Variants in TMEM51 observed in about 807,000 individuals in gnomAD.
TMEM51 encodes transmembrane protein 51.
Under a neutral mutation model 13.6 loss-of-function variants are expected in TMEM51, and 8 were observed. The observed-to-expected ratio is 0.59, with a 90% CI of 0.35 to 1.07. The LOEUF is 1.07. Ranked by LOEUF, TMEM51 falls within the 50% of genes least tolerant of loss-of-function variation. TMEM51 has a pLI of 0.02. For missense variants in TMEM51, 279 were observed against 330.7 expected, an observed-to-expected ratio of 0.84 and a Z score of 1.21; for synonymous variants, 147 against 144.4, an observed-to-expected ratio of 1.02 and a Z score of -0.13.
chr1:15,203,753 G>A (rs1644200558), intron 1 of TMEM51, among the ~76,000 whole-genome samples: 1 of 150,810 alleles, frequency 6.6e-6, no homozygotes, highest in Non-Finnish European at 1.5e-5. Flanking sequence ...TTAGGTAAAT[G>A]AATAAACACC....
At position 15,171,331 on chromosome 1, in the gene TMEM51, T is replaced by C. The variant is rs564067734; in HGVS notation, c.-267+17377T>C. ...CTTCTATGACCTATGAGATAAGGGGTTTGTTATAGGAATTAGTTCTTATGC... is the reference window on the plus strand; with the variant it reads ...CTTCTATGACCTATGAGATAAGGGGCTTGTTATAGGAATTAGTTCTTATGC... On this transcript the variant is annotated intron_variant, in intron 1 of 3. Coordinates refer to ENST00000376008, the MANE Select transcript of TMEM51 (RefSeq NM_001136218.2). 5.8e-5 allele frequency: 75 copies of C among 1,301,582 alleles called. 1 individual carries two copies. The South Asian group carries it at 8.4e-4, about 15-fold the overall frequency. The allele number at this position is 1,301,582 out of a possible 1,614,324, so 80.6% of individuals were successfully genotyped here.
intron 1 of TMEM51, among the ~76,000 whole-genome samples, chr1:15,170,498 C>T (rs1392512828): frequency 6.6e-6 from 1 of 150,728 alleles, no homozygotes; most frequent in Non-Finnish European, 1.5e-5. Context: ...TTGGTAGAAA[C>T]GGGGTTTTGC....
chr1:15,175,084 C>A (rs1244736979), intron 1 of TMEM51, among the ~76,000 whole-genome samples: 1 of 152,148 alleles, frequency 6.6e-6, no homozygotes, highest in Non-Finnish European at 1.5e-5. Flanking sequence ...AGTTCTTCTC[C>A]ATTTGTCAAC....
chr1:15,185,996 C>A (rs1387753165), intron 1 of TMEM51, among the ~76,000 whole-genome samples: 1 of 152,188 alleles, frequency 6.6e-6, no homozygotes, highest in Non-Finnish European at 1.5e-5. Flanking sequence ...GACTCCATGG[C>A]AGCAATGAGG....
intron 1 of TMEM51, among the ~76,000 whole-genome samples, chr1:15,189,213 CTTT>C (rs59346950): frequency 8.8e-4 from 82 of 92,852 alleles, no homozygotes; most frequent in African/African-American, 3.2e-3. Flanking sequence ...CTAATTTTTC[CTTT>C]TTTTTTTTTT....
intron 1 of TMEM51, among the ~76,000 whole-genome samples, chr1:15,193,595 T>C (rs1643983176): frequency 8.3e-6 from 1 of 119,942 alleles, no homozygotes; most frequent in Non-Finnish European, 1.7e-5. Context: ...TTTTTTTTTT[T>C]GAGACAGGGT....
At chr1:15,186,913 C>A (rs1250969682) in intron 1 of TMEM51, among the ~76,000 whole-genome samples, 1 of 152,184 alleles carries the variant, frequency 6.6e-6, no homozygotes, top group Non-Finnish European at 1.5e-5. Flanking sequence ...AGTCCTGAAG[C>A]AGGCCGGCTG....
intron 1 of TMEM51, among the ~76,000 whole-genome samples, chr1:15,201,224 G>A (rs1277339090): frequency 1.3e-5 from 2 of 152,120 alleles, no homozygotes; most frequent in African/African-American, 2.4e-5. Flanking sequence ...TTTTTCATCA[G>A]CTTGGGAAGT....
At chr1:15,209,675 T>C (rs1457328710) in intron 1 of TMEM51, among the ~76,000 whole-genome samples, 2 of 152,166 alleles carry the variant, frequency 1.3e-5, no homozygotes, top group African/African-American at 4.8e-5. Context: ...GGGACCAATT[T>C]CTAATGTTGA....
rs545689294 is a variant in TMEM51, at chr1:15,162,491, A to G, written c.-267+8537A>G. On this transcript the variant is annotated intron_variant, in intron 1 of 3. Coordinates refer to ENST00000376008, the MANE Select transcript of TMEM51 (RefSeq NM_001136218.2). ...GATCAAATTTCAACATGAGATTTGG[A>G]GAGGACCAATATCCAAACTATATCA... Among the ~76,000 whole-genome samples, 18 of 152,196 alleles carry G rather than the reference A, an allele frequency of 1.2e-4. 1 individual carries two copies. Among genetic ancestry groups the G allele is most frequent in the African/African-American group, 4.3e-4 (18 of 41,450 alleles).
intron 1 of TMEM51, among the ~76,000 whole-genome samples, chr1:15,202,898 C>T (rs1644183328): frequency 6.6e-6 from 1 of 152,228 alleles, no homozygotes; most frequent in Non-Finnish European, 1.5e-5. Flanking sequence ...GACCCCGCTT[C>T]TTCTCTGCCC....
At chr1:15,215,844 T>C (rs1051514420) in intron 3 of TMEM51, among the ~76,000 whole-genome samples, 6 of 152,082 alleles carry the variant, frequency 3.9e-5, no homozygotes, top group African/African-American at 1.4e-4. Context: ...CTGGCCAACA[T>C]GGTGAAACCC....
chr1:15,171,995 A>C (rs1277971451), intron 1 of TMEM51, among the ~76,000 whole-genome samples: 2 of 152,234 alleles, frequency 1.3e-5, no homozygotes, highest in African/African-American at 4.8e-5. Flanking sequence ...AGACTTCAGC[A>C]GTGGGACTCA....
intron 1 of TMEM51, among the ~76,000 whole-genome samples, chr1:15,186,752 TG>T (rs1643789037): frequency 6.6e-6 from 1 of 151,954 alleles, no homozygotes; most frequent in African/African-American, 2.4e-5. Context: ...TGCCTGAGGG[TG>T]GGATGGTCAC....
At chr1:15,165,541 C>T (rs1167015569) in intron 1 of TMEM51, among the ~76,000 whole-genome samples, 3 of 152,146 alleles carry the variant, frequency 2.0e-5, no homozygotes, top group African/African-American at 7.2e-5. Flanking sequence ...AAAACACAGG[C>T]CCAAACCTTT....
intron 1 of TMEM51, among the ~76,000 whole-genome samples, chr1:15,200,428 AAAAAGAG>A (rs1340405867): frequency 4.0e-5 from 6 of 149,966 alleles, no homozygotes; most frequent in African/African-American, 1.2e-4. Context: ...AAAAAAAAAA[AAAAAGAG>A]AGAGATTAGG....
At chr1:15,204,051 TG>T (rs1200824218) in intron 1 of TMEM51, among the ~76,000 whole-genome samples, 4 of 152,318 alleles carry the variant, frequency 2.6e-5, no homozygotes, top group Admixed American at 2.6e-4. Flanking sequence ...AAATGCCCCT[TG>T]GGGAAGACAA....
In TMEM51 at chr1:15,210,526, C is replaced by T. The variant is rs1468126459; in HGVS notation, c.-230C>T. The T allele has an allele frequency of 6.6e-6, 1 of 152,188 alleles. No homozygotes were observed. Among genetic ancestry groups the T allele is most frequent in the Non-Finnish European group, 1.5e-5 (1 of 68,022 alleles). The allele number at this position is 152,188 out of a possible 1,614,324, so 9.4% of individuals were successfully genotyped here. A position where few individuals can be genotyped will look rare whatever the true frequency, so the allele number is the denominator to read the frequency against. Reference sequence around the variant, plus strand: ...ACTCAAGACTAGCATGAAGAGTTGCCTTCTGGCCTGCCCTGAGTCTCCTCA... The same window carrying T: ...ACTCAAGACTAGCATGAAGAGTTGCTTTCTGGCCTGCCCTGAGTCTCCTCA... On this transcript the variant is annotated 5_prime_UTR_variant, in exon 2 of 4. Transcript: ENST00000376008.
chr1:15,208,381 G>A (rs1344307368), intron 1 of TMEM51, among the ~76,000 whole-genome samples: 1 of 152,164 alleles, frequency 6.6e-6, no homozygotes, highest in Non-Finnish European at 1.5e-5. Context: ...CAGCACTTTG[G>A]TAAGGCCGAA....
Sources: allele counts gnomAD v4.1 joint callset (sites outside exome capture counted in the v4.1 genomes callset), GRCh38; gene constraint gnomAD v4.1.1; transcripts MANE v1.5; gene names NCBI Gene and HGNC (gene_info 2026-07-23, HGNC 2026-07-21).